GOLGA4: variants seen among roughly 807,000 people sequenced by gnomAD.
GOLGA4 encodes golgin subfamily A member 4.
GOLGA4 carries 169 observed loss-of-function variants against 265.9 expected under a neutral mutation model. The observed-to-expected ratio is 0.64, with a 90% CI of 0.56 to 0.72. The LOEUF (loss-of-function observed/expected upper bound fraction) is 0.72. Ranked by LOEUF, GOLGA4 falls within the 30% of genes least tolerant of loss-of-function variation. The pLI, the probability that GOLGA4 is intolerant of heterozygous loss-of-function variation, is 0.00. For synonymous variants in GOLGA4, 923 were observed against 855.8 expected (o/e 1.08, Z -1.37); for missense variants, 2,482 against 2,483.4 (o/e 1.00, Z 0.01).
chr3:37,322,348 A>G (rs7649703), intron 13 of GOLGA4, among the ~76,000 whole-genome samples: 5,872 of 152,278 alleles, frequency 0.039, 145 homozygotes, highest in African/African-American at 0.056. Context: ...CATACTAAAC[A>G]TAGTCCCGTA....
intron 12 of GOLGA4, among the ~76,000 whole-genome samples, chr3:37,321,145 CTTCTT>C (rs1207541744): frequency 6.6e-6 from 1 of 152,142 alleles, no homozygotes; most frequent in African/African-American, 2.4e-5. Flanking sequence ...TAGAGCTTCT[CTTCTT>C]AAAACACTAA....
chr3:37,328,593 AGCTTATCATTTTT>A, intron 15 of GOLGA4, 56 bp downstream of exon 15: 1 of 1,497,090 alleles, frequency 6.7e-7, no homozygotes, highest in African/African-American at 1.4e-5. Flanking sequence ...CTATAATTTA[AGCTTATCATTTTT>A]GCAGTGGTGG....
chr3:37,326,148 T>C lies in GOLGA4; in HGVS notation c.4262T>C (p.Val1421Ala), dbSNP rs1249567712. The part of the protein sequence containing the change: ...LDQVQDLSFK[V>A]DTLSKEKISA... ...CAGGTGCAAGATTTATCTTTTAAAG[T>C]TGACACTCTGAGTAAAGAGAAAATT... The change falls in exon 14 of 24, where the codon GTT (valine) becomes GCT (alanine). Residue 1421 changes from valine to alanine, a missense_variant. Coordinates refer to ENST00000361924, the MANE Select transcript of GOLGA4 (RefSeq NM_002078.5). 6 of 1,613,486 alleles carry C rather than the reference T, an allele frequency of 3.7e-6. No homozygotes were observed. The highest frequency in any genetic ancestry group is 5.1e-6 in the Non-Finnish European group (6 of 1,179,686).
chr3:37,337,171 T>C lies in GOLGA4; in HGVS notation c.6327+8T>C. 1 of 1,414,248 alleles carries C rather than the reference T, an allele frequency of 7.1e-7. No homozygotes were observed. Among genetic ancestry groups the C allele is most frequent in the Non-Finnish European group, 9.8e-7 (1 of 1,022,382 alleles). 87.6% of individuals were successfully genotyped at this position (1,414,248 alleles called of 1,614,324 possible). A position where few individuals can be genotyped will look rare whatever the true frequency, so the allele number is the denominator to read the frequency against. On this transcript the variant is annotated splice_region_variant and intron_variant, in intron 18 of 23. Coordinates refer to ENST00000361924, the MANE Select transcript of GOLGA4 (RefSeq NM_002078.5). ...ACAATTATGGAGCTACAGGTAAGGC[T>C]AGTTCTTCTTTTTTTTTTTTTCTTT...
intron 2 of GOLGA4, among the ~76,000 whole-genome samples, chr3:37,279,616 TCCTGC>T (rs2096829203): frequency 6.6e-6 from 1 of 152,148 alleles, no homozygotes; most frequent in South Asian, 2.1e-4. Flanking sequence ...TGTTAAAAAG[TCCTGC>T]AGAGGCCCAG....
chr3:37,276,215 G>A (rs543397028), intron 2 of GOLGA4: 54 of 1,566,338 alleles, frequency 3.4e-5, no homozygotes, highest in Non-Finnish European at 4.7e-5. Flanking sequence ...AATTGAAGAA[G>A]CTATATATCA....
intron 10 of GOLGA4, among the ~76,000 whole-genome samples, chr3:37,309,744 C>T (rs1406561049): frequency 6.6e-6 from 1 of 152,154 alleles, no homozygotes; most frequent in African/African-American, 2.4e-5. Context: ...GATTTTCATG[C>T]CTGTTTCTGC....
At chr3:37,341,050 C>T (rs546201886) in intron 20 of GOLGA4, among the ~76,000 whole-genome samples, 2 of 152,130 alleles carry the variant, frequency 1.3e-5, no homozygotes, top group South Asian at 2.1e-4. Context: ...GCCTGTAGTC[C>T]CAGCTACATG....
intron 2 of GOLGA4, among the ~76,000 whole-genome samples, chr3:37,272,767 A>G (rs1222855968): frequency 2.0e-5 from 3 of 152,178 alleles, no homozygotes; most frequent in African/African-American, 7.2e-5. Flanking sequence ...AGTGGTTGGC[A>G]TTTGGTGGAA....
chr3:37,347,686 C>T (rs188781674), intron 21 of GOLGA4, among the ~76,000 whole-genome samples: 7 of 152,046 alleles, frequency 4.6e-5, no homozygotes, highest in African/African-American at 1.7e-4. Context: ...TTATTAGCTA[C>T]CTAGAGAGAT....
intron 10 of GOLGA4, among the ~76,000 whole-genome samples, chr3:37,304,205 T>G (rs1013760338): frequency 7.2e-5 from 11 of 152,196 alleles, no homozygotes; most frequent in African/African-American, 2.4e-4. Flanking sequence ...TCCTTGAATT[T>G]GGCAAGGATT....
intron 10 of GOLGA4, among the ~76,000 whole-genome samples, chr3:37,308,572 G>T (rs1028600808): frequency 1.3e-5 from 2 of 150,978 alleles, no homozygotes; most frequent in Non-Finnish European, 3.0e-5. Context: ...ATTTATGTGG[G>T]TTATATGTAT....
At chr3:37,360,712 T>G (rs1696188934) in intron 22 of GOLGA4, among the ~76,000 whole-genome samples, 1 of 152,142 alleles carries the variant, frequency 6.6e-6, no homozygotes, top group Non-Finnish European at 1.5e-5. Context: ...TCAGTTTGGG[T>G]CACCATTCCT....
intron 1 of GOLGA4, among the ~76,000 whole-genome samples, chr3:37,247,445 G>C (rs2096722584): frequency 6.6e-6 from 1 of 152,158 alleles, no homozygotes; most frequent in Non-Finnish European, 1.5e-5. Context: ...TTGTAGTTGT[G>C]CAAAATAAGG....
In GOLGA4 at chr3:37,302,261, G is replaced by A. The variant is rs764217775; in HGVS notation, c.1163G>A (p.Arg388His). 2.4e-5 allele frequency: 39 copies of A among 1,612,794 alleles called. No individual in the cohort carries two copies. Among genetic ancestry groups the A allele is most frequent in the East Asian group, 4.5e-5 (2 of 44,856 alleles). ...AAAGAAGAAGAAATTGCTCAACTCC[G>A]TAGTCGCATCAAACAGATGACTACC... ...EMKEEEIAQL[R>H]SRIKQMTTQG... The change falls in exon 10 of 24, where the codon CGT becomes CAT. Residue 388 changes from arginine (R) to histidine (H), a missense_variant. Coordinates refer to ENST00000361924, the MANE Select transcript of GOLGA4 (RefSeq NM_002078.5).
At chr3:37,289,110 ATCTT>A (rs1376258788) in intron 4 of GOLGA4, 121 bp from the exon 5 acceptor site, 3 of 594,738 alleles carry the variant, frequency 5.0e-6, no homozygotes, top group Non-Finnish European at 8.9e-6. Context: ...CTTGTCCTCT[ATCTT>A]CAGGTTATTT....
Position 37,326,337 on chromosome 3 carries a change from TGAAG to T in GOLGA4, c.4456_4459del (p.Glu1486SerfsTer12). 1 of 1,612,160 alleles carries T rather than the reference TGAAG, an allele frequency of 6.2e-7. No homozygotes were observed. The highest frequency in any genetic ancestry group is 1.1e-5 in the South Asian group (1 of 90,552). ...GAAAAGGATGAGCAGATAAATTTATTGAAGGAAGAGCTTGATCAGCAAAATAAAA... is the reference window on the plus strand; with the variant it reads ...GAAAAGGATGAGCAGATAAATTTATTGAAGAGCTTGATCAGCAAAATAAAA... On this transcript the variant is annotated frameshift_variant, in exon 14 of 24. Coordinates refer to ENST00000361924, the MANE Select transcript of GOLGA4 (RefSeq NM_002078.5). LOFTEE classifies it high-confidence loss of function.
chr3:37,283,235 A>G (rs2096839516), intron 3 of GOLGA4, among the ~76,000 whole-genome samples: 1 of 152,190 alleles, frequency 6.6e-6, no homozygotes. Context: ...AGTGCTGACA[A>G]AATAGGAAGC....
intron 22 of GOLGA4, among the ~76,000 whole-genome samples, chr3:37,359,964 C>T (rs1383545027): frequency 1.3e-5 from 2 of 152,046 alleles, no homozygotes; most frequent in South Asian, 2.1e-4. Context: ...TAAGGTAATA[C>T]GTGATCACTG....
Sources: allele counts gnomAD v4.1 joint callset (sites outside exome capture counted in the v4.1 genomes callset), GRCh38; gene constraint gnomAD v4.1.1; transcripts MANE v1.5; gene names NCBI Gene and HGNC (gene_info 2026-07-23, HGNC 2026-07-21).